The following PRICKLE1 variants were observed in gnomAD, a reference collection of about 807,000 sequenced individuals.
PRICKLE1 encodes the protein prickle-like protein 1.
PRICKLE1 carries 14 observed loss-of-function variants against 70.2 expected under a neutral mutation model. The ratio of observed to expected loss-of-function variants is 0.20; its 90% confidence interval spans 0.13 to 0.31. PRICKLE1 has a LOEUF of 0.31. Among genes scored for constraint, PRICKLE1 ranks in the 10% least tolerant of loss-of-function variants. PRICKLE1 has a pLI of 1.00. For synonymous variants in PRICKLE1, 357 were observed against 379.9 expected (o/e 0.94, Z 0.70); for missense variants, 821 against 1,026.2 (o/e 0.80, Z 2.73).
chr12:42,465,234 T>C lies in PRICKLE1; in HGVS notation c.800A>G (p.Tyr267Cys). 1.9e-6 allele frequency: 3 copies of C among 1,614,096 alleles called. No individual in the cohort carries two copies. Among genetic ancestry groups the C allele is most frequent in the Non-Finnish European group, 2.5e-6 (3 of 1,180,026 alleles). Residue 267 changes from tyrosine to cysteine, a missense_variant, in exon 7 of 8, where the codon TAT becomes TGT. By Grantham distance (194) the Tyr-to-Cys change is radical (BLOSUM62 -2). Transcript: ENST00000345127. ...HIGVDHAQMT[Y>C]DGQHWHATEA... ...CGTGGCGTGCCAGTGCTGCCCGTCA[T>C]AGGTCATCTGTGCATGGTCCACACC...
At chr12:42,585,170 A>C (rs1398289911) in intron 1 of PRICKLE1, among the ~76,000 whole-genome samples, 3 of 152,162 alleles carry the variant, frequency 2.0e-5, no homozygotes, top group African/African-American at 7.2e-5. Flanking sequence ...TTAGGACCAA[A>C]CTTAGGGGAG....
At chr12:42,495,681 C>T (rs369606973) in intron 1 of PRICKLE1, among the ~76,000 whole-genome samples, 5 of 152,060 alleles carry the variant, frequency 3.3e-5, no homozygotes, top group Admixed American at 2.0e-4. Flanking sequence ...CTCCGCCTCC[C>T]GGGTTCAAGT....
At chr12:42,509,711 T>C (rs1481380098) in intron 1 of PRICKLE1, among the ~76,000 whole-genome samples, 1 of 152,142 alleles carries the variant, frequency 6.6e-6, no homozygotes, top group African/African-American at 2.4e-5. Flanking sequence ...CCACTTACTA[T>C]ATTTTTCTAC....
At chr12:42,463,240 AG>A (rs1937931332) in intron 7 of PRICKLE1, among the ~76,000 whole-genome samples, 1 of 152,216 alleles carries the variant, frequency 6.6e-6, no homozygotes, top group Non-Finnish European at 1.5e-5. Flanking sequence ...CAGAGGTTAT[AG>A]TGAGCTGATA....
chr12:42,495,754 A>G (rs1459590940), intron 1 of PRICKLE1, among the ~76,000 whole-genome samples: 1 of 149,270 alleles, frequency 6.7e-6, no homozygotes, highest in Non-Finnish European at 1.5e-5. Flanking sequence ...ACGCCCTGCT[A>G]ATTTTTTTTT....
chr12:42,531,040 G>C (rs1357711009), intron 1 of PRICKLE1, among the ~76,000 whole-genome samples: 1 of 124,020 alleles, frequency 8.1e-6, no homozygotes, highest in Non-Finnish European at 1.6e-5. Context: ...AAGATGTTAA[G>C]GGCTTTTTTT....
At position 42,588,724 on chromosome 12, in the gene PRICKLE1, T is replaced by C. The variant is rs545604382; in HGVS notation, c.-49+741A>G. On this transcript the variant is annotated intron_variant, in intron 1 of 7. Transcript: ENST00000345127. ...TCGTTCTTCAGCCTCCTGAAGACAA[T>C]CTGTGAACAATTTTCCCAAAGTCCC... Among the ~76,000 whole-genome samples, 25 of 152,244 alleles carry C rather than the reference T, an allele frequency of 1.6e-4. 1 individual carries two copies. Among genetic ancestry groups the C allele is most frequent in the Middle Eastern group, 6.8e-3 (2 of 294 alleles).
chr12:42,579,693 A>G (rs1374154476), intron 1 of PRICKLE1, among the ~76,000 whole-genome samples: 1 of 152,192 alleles, frequency 6.6e-6, no homozygotes, highest in Non-Finnish European at 1.5e-5. Flanking sequence ...GTAAAAGTTC[A>G]AAGGAAATTG....
chr12:42,531,336 G>T (rs377333237), intron 1 of PRICKLE1, among the ~76,000 whole-genome samples: 1 of 152,138 alleles, frequency 6.6e-6, no homozygotes, highest in African/African-American at 2.4e-5. Context: ...GTGAGCCACC[G>T]CGCCTGGCCA....
intron 1 of PRICKLE1, among the ~76,000 whole-genome samples, chr12:42,519,846 A>G (rs182496519): frequency 2.4e-4 from 36 of 152,240 alleles, no homozygotes; most frequent in Non-Finnish European, 1.5e-5. Flanking sequence ...CTCATTCTGT[A>G]GCCCAGGCTG....
rs940256544 is a variant in PRICKLE1, at chr12:42,457,335, T to TAA, written c.*2472_*2473dup. 5.9e-5 allele frequency: 9 copies of TAA among 152,230 alleles called. No individual in the cohort carries two copies. The highest frequency in any genetic ancestry group is 2.2e-4 in the African/African-American group (9 of 41,454). The allele number at this position is 152,230 out of a possible 1,614,324, so 9.4% of individuals were successfully genotyped here. A position where few individuals can be genotyped will look rare whatever the true frequency, so the allele number is the denominator to read the frequency against. On this transcript the variant is annotated 3_prime_UTR_variant, in exon 8 of 8. Transcript: ENST00000345127. ...ACCTTATACCTGCATTTCTTCAGGC[T>TAA]AAGTATCACCTGTTTACTATTTATT...
intron 1 of PRICKLE1, among the ~76,000 whole-genome samples, chr12:42,565,636 C>A (rs1481167033): frequency 6.6e-6 from 1 of 152,206 alleles, no homozygotes; most frequent in Admixed American, 6.5e-5. Context: ...CTTGGCCAAT[C>A]CTGCGGGTTT....
chr12:42,582,153 G>A (rs1003529218), intron 1 of PRICKLE1, among the ~76,000 whole-genome samples: 1 of 152,166 alleles, frequency 6.6e-6, no homozygotes, highest in South Asian at 2.1e-4. Context: ...CTTATAGAAG[G>A]CCCACAAAGG....
chr12:42,560,696 C>T (rs1302077882), intron 1 of PRICKLE1, among the ~76,000 whole-genome samples: 1 of 151,524 alleles, frequency 6.6e-6, no homozygotes, highest in Non-Finnish European at 1.5e-5. Flanking sequence ...TAAGGTTAGA[C>T]AAGGGTGGAT....
intron 1 of PRICKLE1, among the ~76,000 whole-genome samples, chr12:42,476,252 G>A (rs1938526731): frequency 6.8e-6 from 1 of 147,464 alleles, no homozygotes; most frequent in African/African-American, 2.5e-5. Context: ...GCGCCATCTT[G>A]GCTCACCGCA....
chr12:42,581,443 C>A (rs1242488235), intron 1 of PRICKLE1, among the ~76,000 whole-genome samples: 1 of 151,874 alleles, frequency 6.6e-6, no homozygotes, highest in Non-Finnish European at 1.5e-5. Context: ...CAAAGTATTT[C>A]ATTAAAGGTT....
intron 1 of PRICKLE1, among the ~76,000 whole-genome samples, chr12:42,549,473 T>A (rs1282082676): frequency 6.6e-6 from 1 of 152,192 alleles, no homozygotes; most frequent in Non-Finnish European, 1.5e-5. Flanking sequence ...CAAAGCCACA[T>A]CTTTCCTTTA....
intron 1 of PRICKLE1, among the ~76,000 whole-genome samples, chr12:42,481,777 T>C (rs916968141): frequency 1.1e-4 from 16 of 152,234 alleles, no homozygotes; most frequent in Admixed American, 9.8e-4. Context: ...ACACATTTCC[T>C]TGTTTAGGAT....
intron 1 of PRICKLE1, among the ~76,000 whole-genome samples, chr12:42,544,624 A>C (rs1940174251): frequency 6.6e-6 from 1 of 152,210 alleles, no homozygotes; most frequent in African/African-American, 2.4e-5. Context: ...CCTCTCTACC[A>C]AAAACTCTAA....
Sources: allele counts gnomAD v4.1 joint callset (sites outside exome capture counted in the v4.1 genomes callset), GRCh38; gene constraint gnomAD v4.1.1; transcripts MANE v1.5; gene names NCBI Gene and HGNC (gene_info 2026-07-23, HGNC 2026-07-21).